Variants in ZNF148 observed in about 807,000 individuals in gnomAD.
ZNF148 encodes Beta-Enolase Repressor Factor-1.
Under a neutral mutation model 67.7 loss-of-function variants are expected in ZNF148, and 7 were observed. The ratio of observed to expected loss-of-function variants is 0.10; its 90% CI spans 0.06 to 0.19. ZNF148 has a LOEUF of 0.19. Among genes scored for constraint, ZNF148 ranks in the 10% least tolerant of loss-of-function variants. The pLI is 1.00. For missense variants in ZNF148, 583 were observed against 947.1 expected (o/e 0.62, Z 5.05); for synonymous variants, 333 against 330.7 (o/e 1.01, Z -0.08).
intron 2 of ZNF148, among the ~76,000 whole-genome samples, chr3:125,326,201 T>C (rs941098791): frequency 3.9e-5 from 6 of 152,104 alleles, no homozygotes; most frequent in Non-Finnish European, 5.9e-5. Flanking sequence ...ACAGAAAGAA[T>C]TGAAGAGCAT....
chr3:125,280,680 A>C (rs1336473519), intron 5 of ZNF148, among the ~76,000 whole-genome samples: 2 of 9,032 alleles, frequency 2.2e-4, no homozygotes, highest in East Asian at 8.1e-4. Context: ...AACCCATCTC[A>C]AAAAAAAAAA....
chr3:125,275,256 C>T (rs1937989844), intron 7 of ZNF148, among the ~76,000 whole-genome samples: 1 of 152,140 alleles, frequency 6.6e-6, no homozygotes, highest in African/African-American at 2.4e-5. Flanking sequence ...GATTGCTTTG[C>T]CCTGGTTCCT....
rs556386205 is a variant in ZNF148, at chr3:125,255,935, A to T, written c.668-21606T>A. On this transcript the variant is annotated intron_variant, in intron 7 of 8. Coordinates refer to ENST00000360647, the MANE Select transcript of ZNF148 (RefSeq NM_021964.3). The stretch of plus-strand genomic sequence containing the variant: ...GATGTGCCTCCTTGGTTCGTTTTTT[A>T]AAAAAAATTTAACCTGCTTGGGATT... Among the ~76,000 whole-genome samples, 833 of 151,892 alleles carry T rather than the reference A, an allele frequency of 5.5e-3. 6 individuals carry two copies. The highest frequency in any genetic ancestry group is 0.019 in the African/African-American group (773 of 41,428).
chr3:125,282,258 G>A (rs879269762), intron 5 of ZNF148, among the ~76,000 whole-genome samples: 2 of 152,110 alleles, frequency 1.3e-5, no homozygotes, highest in African/African-American at 2.4e-5. Context: ...ACCTTTTCAA[G>A]ATCTTTTAGT....
chr3:125,227,431 C>A lies in ZNF148; in HGVS notation c.*4910G>T, dbSNP rs1935685237. On this transcript the variant is annotated 3_prime_UTR_variant, in exon 9 of 9. Coordinates refer to ENST00000360647, the MANE Select transcript of ZNF148 (RefSeq NM_021964.3). ...TAACACTATATATCAGAAAATTCAA[C>A]GTGCTCCACCATCAGGATTTCCATC... The A allele has an allele frequency of 6.6e-6, 1 of 152,516 alleles. No individual in the cohort carries two copies. The highest frequency in any genetic ancestry group is 1.5e-5 in the Non-Finnish European group (1 of 68,000). The allele number at this position is 152,516 out of a possible 1,614,324, so 9.4% of individuals were successfully genotyped here.
intron 1 of ZNF148, among the ~76,000 whole-genome samples, chr3:125,366,242 G>A (rs1259305220): frequency 1.3e-5 from 2 of 152,166 alleles, no homozygotes; most frequent in Non-Finnish European, 2.9e-5. Flanking sequence ...TGGAAACTCA[G>A]AAAGGAAATA....
intron 1 of ZNF148, among the ~76,000 whole-genome samples, chr3:125,371,545 G>C (rs1160989748): frequency 3.3e-5 from 5 of 151,028 alleles, no homozygotes; most frequent in African/African-American, 1.2e-4. Context: ...TGTAATCTCA[G>C]CTACTCAGGA....
At chr3:125,367,682 C>G (rs986819020) in intron 1 of ZNF148, among the ~76,000 whole-genome samples, 1 of 152,148 alleles carries the variant, frequency 6.6e-6, no homozygotes, top group Admixed American at 6.5e-5. Context: ...TGGACACATG[C>G]CCTCAGTTCT....
In ZNF148 at chr3:125,260,463, C is replaced by CA. The variant is rs147440436; in HGVS notation, c.667+17262dup. On this transcript the variant is annotated intron_variant, in intron 7 of 8. Coordinates refer to ENST00000360647, the MANE Select transcript of ZNF148 (RefSeq NM_021964.3). ...AAGCAATGAATTATTGGTGCATCAA[C>CA]ACAGATGACTTTCAAATGCACTATA... Among the ~76,000 whole-genome samples the CA allele has an allele frequency of 1.6e-3, 240 of 152,288 alleles. 1 individual carries two copies. The highest frequency in any genetic ancestry group is 2.7e-3 in the Non-Finnish European group (186 of 68,020).
chr3:125,371,072 G>T (rs1942863040), intron 1 of ZNF148, among the ~76,000 whole-genome samples: 1 of 152,072 alleles, frequency 6.6e-6, no homozygotes, highest in Non-Finnish European at 1.5e-5. Context: ...AAGAATTGTG[G>T]CCGGGCACGG....
At chr3:125,288,428 T>C (rs1159523787) in intron 4 of ZNF148, among the ~76,000 whole-genome samples, 200 bp from the exon 5 acceptor site, 1 of 151,804 alleles carries the variant, frequency 6.6e-6, no homozygotes, top group Non-Finnish European at 1.5e-5. Context: ...AGTACATAAA[T>C]TGAGGGATAA....
At chr3:125,237,623 G>A (rs1936152576) in intron 7 of ZNF148, among the ~76,000 whole-genome samples, 1 of 152,018 alleles carries the variant, frequency 6.6e-6, no homozygotes. Flanking sequence ...GTAGATGATA[G>A]AGCTCATTAA....
intron 4 of ZNF148, chr3:125,311,190 T>A (rs1940192670): frequency 1.8e-5 from 3 of 166,242 alleles, no homozygotes; most frequent in African/African-American, 7.2e-5. Context: ...TGAGGAAATG[T>A]TGGTGCTGTA....
chr3:125,370,369 C>T (rs1032255912), intron 1 of ZNF148, among the ~76,000 whole-genome samples: 23 of 152,186 alleles, frequency 1.5e-4, no homozygotes, highest in African/African-American at 5.6e-4. Flanking sequence ...CAATTTCATA[C>T]AATCCCACTA....
chr3:125,269,699 C>T (rs923348044), intron 7 of ZNF148, among the ~76,000 whole-genome samples: 2 of 152,108 alleles, frequency 1.3e-5, no homozygotes, highest in African/African-American at 4.8e-5. Flanking sequence ...GACACAAAAT[C>T]AACACAGGTA....
At chr3:125,348,092 CA>C (rs113097406) in intron 1 of ZNF148, among the ~76,000 whole-genome samples, 6 of 148,840 alleles carry the variant, frequency 4.0e-5, no homozygotes, top group Admixed American at 6.7e-5. Context: ...TCATTTCTAC[CA>C]AAAAAAAAAT....
intron 7 of ZNF148, among the ~76,000 whole-genome samples, chr3:125,277,427 T>C (rs1230807846): frequency 6.6e-6 from 1 of 152,204 alleles, no homozygotes; most frequent in African/African-American, 2.4e-5. Flanking sequence ...AACGATAATT[T>C]TGAGTTCAGT....
chr3:125,321,964 T>G (rs1031907744), intron 3 of ZNF148, among the ~76,000 whole-genome samples: 13 of 149,768 alleles, frequency 8.7e-5, no homozygotes, highest in African/African-American at 3.2e-4. Context: ...ATACATACTA[T>G]ACAGTAACCA....
At chr3:125,331,060 T>C (rs1941269637) in intron 2 of ZNF148, 98 bp downstream of exon 2, 6 of 397,882 alleles carry the variant, frequency 1.5e-5, no homozygotes, top group Non-Finnish European at 2.2e-5. Context: ...TGGCCATAAA[T>C]GCACACTTAT....
Sources: allele counts gnomAD v4.1 joint callset (sites outside exome capture counted in the v4.1 genomes callset), GRCh38; gene constraint gnomAD v4.1.1; transcripts MANE v1.5; gene names NCBI Gene and HGNC (gene_info 2026-07-23, HGNC 2026-07-21).